The following VWA8 variants were observed in gnomAD, a reference collection of about 807,000 sequenced individuals.
The protein encoded by VWA8 is von Willebrand factor A domain containing 8.
Under a neutral mutation model 241.5 loss-of-function variants are expected in VWA8, and 221 were observed. The ratio of observed to expected loss-of-function variants is 0.91; its 90% CI spans 0.82 to 1.02. The LOEUF (loss-of-function observed/expected upper bound fraction) is 1.02, where lower values mean the gene tolerates loss of function less well. VWA8 is among the 50% of genes least tolerant of loss of function. The pLI is 0.00. For missense variants in VWA8, 2,322 were observed against 2,328.7 expected (o/e 1.00, Z 0.06); for synonymous variants, 852 against 827.1 (o/e 1.03, Z -0.52).
chr13:41,778,174 C>A, intron 19 of VWA8, 118 bp from the exon 20 acceptor site: 1 of 565,378 alleles, frequency 1.8e-6, no homozygotes, highest in Non-Finnish European at 2.6e-6. Context: ...AATTATCAAT[C>A]GATTTGATAT....
intron 2 of VWA8, among the ~76,000 whole-genome samples, chr13:41,924,177 A>G (rs1294251163): frequency 6.6e-6 from 1 of 152,190 alleles, no homozygotes; most frequent in African/African-American, 2.4e-5. Context: ...AAAACAATTT[A>G]TAACCTCAGA....
At chr13:41,857,112 G>A (rs1219256059) in intron 12 of VWA8, among the ~76,000 whole-genome samples, 1 of 152,124 alleles carries the variant, frequency 6.6e-6, no homozygotes, top group East Asian at 1.9e-4. Context: ...GGAAAATACG[G>A]ATAACAAAGT....
chr13:41,583,046 G>C (rs1179035268), intron 42 of VWA8, among the ~76,000 whole-genome samples: 4 of 152,174 alleles, frequency 2.6e-5, no homozygotes, highest in African/African-American at 7.2e-5. Flanking sequence ...GTATCTGAGA[G>C]GGATCCTGGA....
intron 37 of VWA8, among the ~76,000 whole-genome samples, chr13:41,619,540 C>T (rs1464809691): frequency 6.6e-6 from 1 of 152,102 alleles, no homozygotes. Context: ...GCATCCCTGT[C>T]TTGTGCCAGT....
intron 37 of VWA8, among the ~76,000 whole-genome samples, chr13:41,626,762 A>G (rs1198454957): frequency 6.6e-6 from 1 of 152,204 alleles, no homozygotes; most frequent in Admixed American, 6.5e-5. Context: ...ACATACAAAA[A>G]TCAATTCAAG....
chr13:41,655,671 T>C (rs1276862369), intron 37 of VWA8, among the ~76,000 whole-genome samples: 1 of 152,210 alleles, frequency 6.6e-6, no homozygotes, highest in Non-Finnish European at 1.5e-5. Flanking sequence ...TTGGTGAACA[T>C]ATGCTCCTTT....
intron 2 of VWA8, among the ~76,000 whole-genome samples, chr13:41,924,560 G>A (rs1419854319): frequency 6.6e-6 from 1 of 152,058 alleles, no homozygotes; most frequent in East Asian, 1.9e-4. Context: ...AATACATTAT[G>A]GGATATTCAG....
intron 37 of VWA8, among the ~76,000 whole-genome samples, chr13:41,621,267 G>A (rs969524772): frequency 2.0e-5 from 3 of 152,180 alleles, no homozygotes; most frequent in Non-Finnish European, 4.4e-5. Flanking sequence ...GCTAATGTAA[G>A]TGCTCTGAGC....
chr13:41,722,376 G>A (rs1413123201), intron 24 of VWA8, among the ~76,000 whole-genome samples: 1 of 151,940 alleles, frequency 6.6e-6, no homozygotes, highest in African/African-American at 2.4e-5. Context: ...AAAGTAAATA[G>A]ACTTACATTA....
chr13:41,802,790 G>A (rs572077163), intron 17 of VWA8, among the ~76,000 whole-genome samples: 1 of 152,368 alleles, frequency 6.6e-6, no homozygotes, highest in Admixed American at 6.5e-5. Context: ...CTAGCAGGAT[G>A]AATCACAACC....
chr13:41,812,797 T>C (rs1212351924), intron 16 of VWA8, among the ~76,000 whole-genome samples: 1 of 152,156 alleles, frequency 6.6e-6, no homozygotes, highest in East Asian at 1.9e-4. Flanking sequence ...TTCAAAGAAC[T>C]CAATTACAAG....
intron 20 of VWA8, among the ~76,000 whole-genome samples, chr13:41,765,420 T>C (rs367943473): frequency 1.3e-5 from 2 of 152,204 alleles, no homozygotes; most frequent in Non-Finnish European, 2.9e-5. Flanking sequence ...AGTTGCTTAC[T>C]ACTTCATTTT....
chr13:41,633,557 T>C (rs1226553192), intron 37 of VWA8, among the ~76,000 whole-genome samples: 2 of 152,202 alleles, frequency 1.3e-5, no homozygotes, highest in Non-Finnish European at 2.9e-5. Flanking sequence ...AAGAATACCA[T>C]TGGAATTCAC....
intron 21 of VWA8, among the ~76,000 whole-genome samples, chr13:41,748,595 C>G (rs182538518): frequency 6.6e-4 from 100 of 152,194 alleles, no homozygotes; most frequent in African/African-American, 2.2e-3. Context: ...GTGTCTCTAT[C>G]TCCTTCAGTT....
chr13:41,891,435 G>GT lies in VWA8; in HGVS notation c.635dup (p.Tyr212Ter). 1 of 1,614,136 alleles carries GT rather than the reference G, an allele frequency of 6.2e-7. No homozygotes were observed. Among genetic ancestry groups the GT allele is most frequent in the Non-Finnish European group, 8.5e-7 (1 of 1,180,004 alleles). ...CTTTTCTTACTCGGAGAAGTTTGTC[G>GT]TAACGCTCAGCAGACATCAGGAAGC... ...DGRFLMSAER[Y>*]DKLLRDHTKK... Residue 212 changes from tyrosine (Y) to a stop codon, truncating the protein, a stop_gained and frameshift_variant, in exon 5 of 45, where the codon TAC becomes TAAC. Coordinates refer to ENST00000379310, the MANE Select transcript of VWA8 (RefSeq NM_015058.2). LOFTEE classifies it high-confidence loss of function.
At chr13:41,655,366 G>A (rs1041464949) in intron 37 of VWA8, among the ~76,000 whole-genome samples, 4 of 152,122 alleles carry the variant, frequency 2.6e-5, no homozygotes, top group African/African-American at 9.7e-5. Context: ...TGGAATTACA[G>A]GCGTGAGCCA....
intron 37 of VWA8, among the ~76,000 whole-genome samples, chr13:41,647,148 T>C (rs2044837340): frequency 6.6e-6 from 1 of 152,198 alleles, no homozygotes; most frequent in African/African-American, 2.4e-5. Context: ...GTTTATCATT[T>C]ACACAGAAAA....
chr13:41,601,667 G>A (rs1317400297), intron 40 of VWA8, among the ~76,000 whole-genome samples: 7 of 152,116 alleles, frequency 4.6e-5, no homozygotes. Flanking sequence ...ATGGACTGAT[G>A]AGAAGATTCA....
At chr13:41,914,076 C>A (rs1259451243) in intron 2 of VWA8, among the ~76,000 whole-genome samples, 1 of 152,132 alleles carries the variant, frequency 6.6e-6, no homozygotes, top group African/African-American at 2.4e-5. Context: ...GCCTGTAGTC[C>A]CAGCTACTCA....
Sources: gnomAD v4.1 joint callset for allele counts (sites outside exome capture counted in the v4.1 genomes callset) on GRCh38, gnomAD v4.1.1 for gene constraint, MANE v1.5 for transcripts, NCBI Gene and HGNC (gene_info 2026-07-23, HGNC 2026-07-21) for gene names.